Variants in SEMA4B observed in about 807,000 individuals in gnomAD.
The protein encoded by SEMA4B is semaphorin 4B.
In SEMA4B, 55 loss-of-function variants were observed where a neutral mutation model predicts 88.1. The ratio of observed to expected loss-of-function variants is 0.62; its 90% CI spans 0.50 to 0.78. The LOEUF (loss-of-function observed/expected upper bound fraction) is 0.78, where lower values mean the gene tolerates loss of function less well. Among genes scored for constraint, SEMA4B ranks in the 30% least tolerant of loss-of-function variants. The pLI is 0.00. For missense variants in SEMA4B, 1,062 were observed against 1,111.9 expected (o/e 0.96, Z 0.64); for synonymous variants, 525 against 473.6 (o/e 1.11, Z -1.41).
At chr15:90,222,251 TTTC>T (rs145835899) in intron 7 of SEMA4B, among the ~76,000 whole-genome samples, 43,013 of 132,574 alleles carry the variant, frequency 0.32, 6,771 homozygotes, top group African/African-American at 0.45. Context: ...TTTTTTTTCT[TTTC>T]TTTTTTTTTT....
At position 90,216,426 on chromosome 15, in the gene SEMA4B, TAA is replaced by T. The variant is rs367847794; in HGVS notation, c.158-1010_158-1009del. 3.3e-4 allele frequency among the ~76,000 whole-genome samples: 50 copies of T among 152,336 alleles called. No individual in the cohort carries two copies. In the East Asian group the frequency reaches 8.1e-3, roughly 25 times the overall value. ...TCCTTTATTGGTTACCTTTGCAATA[TAA>T]AACAGTACACTTGACCTGTATTTAT... On this transcript the variant is annotated intron_variant, in intron 1 of 13. Transcript: ENST00000411539.
At chr15:90,217,674 C>A (rs1961601545) in intron 2 of SEMA4B, 72 bp downstream of exon 2, 1 of 1,603,952 alleles carries the variant, frequency 6.2e-7, no homozygotes, top group East Asian at 2.2e-5. Context: ...GGAAGCTTGA[C>A]CTTCTGGGTC....
Position 90,228,835 on chromosome 15 carries a change from A to T in SEMA4B, c.*192A>T. 1 of 734,914 alleles carries T rather than the reference A, an allele frequency of 1.4e-6. No homozygotes were observed. The highest frequency in any genetic ancestry group is 2.2e-6 in the Non-Finnish European group (1 of 461,582). The allele number at this position is 734,914 out of a possible 1,614,324, so 45.5% of individuals were successfully genotyped here. On this transcript the variant is annotated 3_prime_UTR_variant, in exon 14 of 14. Transcript: ENST00000411539. Reference sequence around the variant, plus strand: ...GCTCCTACCACCCAGACACCCAAACAGCCGTGGCCCCAGAGGTCCTGGCCA... The same window carrying T: ...GCTCCTACCACCCAGACACCCAAACTGCCGTGGCCCCAGAGGTCCTGGCCA...
Position 90,227,580 on chromosome 15 carries a change from G to A in SEMA4B, c.1712G>A (p.Gly571Glu), listed in dbSNP as rs756998006. 29 of 1,613,892 alleles carry A rather than the reference G, an allele frequency of 1.8e-5. No homozygotes were observed. Among genetic ancestry groups the A allele is most frequent in the Non-Finnish European group, 2.3e-5 (27 of 1,179,900 alleles). The change falls in exon 13 of 14, where the codon GGA (glycine) becomes GAA (glutamate). Residue 571 changes from glycine to glutamate, a missense_variant. Transcript: ENST00000411539. ...ATRPWIQDIEGASAKDLCSAS... is the reference protein window; with the variant it reads ...ATRPWIQDIEEASAKDLCSAS... ...AGGCCGTGGATCCAGGACATCGAGGGAGCCAGCGCCAAGGACCTTTGCAGC... is the reference window on the plus strand; with the variant it reads ...AGGCCGTGGATCCAGGACATCGAGGAAGCCAGCGCCAAGGACCTTTGCAGC...
intron 4 of SEMA4B, 119 bp from the exon 5 acceptor site, chr15:90,220,863 G>A (rs1158399369): frequency 2.9e-6 from 2 of 681,764 alleles, no homozygotes; most frequent in South Asian, 1.7e-5. Flanking sequence ...GACCCCTTCT[G>A]TCCCACACAC....
chr15:90,223,433 G>A, intron 7 of SEMA4B, 126 bp from the exon 8 acceptor site: 1 of 771,154 alleles, frequency 1.3e-6, no homozygotes, highest in Non-Finnish European at 2.0e-6. Flanking sequence ...ATGGAACTTG[G>A]TCCTGGCCTT....
intron 1 of SEMA4B, among the ~76,000 whole-genome samples, chr15:90,210,632 GAA>G (rs1567051355): frequency 6.6e-6 from 1 of 152,236 alleles, no homozygotes; most frequent in Non-Finnish European, 1.5e-5. Context: ...AAAGGGCTGA[GAA>G]AGTGCTCACA....
Position 90,212,627 on chromosome 15 carries a change from G to C in SEMA4B, c.158-4812G>C, listed in dbSNP as rs1275503327. Among the ~76,000 whole-genome samples, 1 of 144,890 alleles carries C rather than the reference G, an allele frequency of 6.9e-6. No individual in the cohort carries two copies. Among genetic ancestry groups the C allele is most frequent in the South Asian group, 2.2e-4 (1 of 4,446 alleles). Reference sequence around the variant, plus strand: ...GGAGTGAGTGCGCAAGCGTGGACAAGCCCTGCGGTACCGTGTACACACACA... The same window carrying C: ...GGAGTGAGTGCGCAAGCGTGGACAACCCCTGCGGTACCGTGTACACACACA... On this transcript the variant is annotated intron_variant, in intron 1 of 13. Coordinates refer to ENST00000411539, the MANE Select transcript of SEMA4B (RefSeq NM_198925.4). The surrounding 1 kb of genome is among the most constrained non-coding windows in gnomAD (Gnocchi z 4.0).
rs1960712500 is a variant in SEMA4B, at chr15:90,201,391, G to T, written c.-188G>T. On this transcript the variant is annotated 5_prime_UTR_variant, in exon 1 of 14. Coordinates refer to ENST00000411539, the MANE Select transcript of SEMA4B (RefSeq NM_198925.4). Reference sequence around the variant, plus strand: ...GGCCGGCGCCGGCGGGAGGACTGCGGTGCCCCGCGGAGGGGCTGAGTTTGC... The same window carrying T: ...GGCCGGCGCCGGCGGGAGGACTGCGTTGCCCCGCGGAGGGGCTGAGTTTGC... 5 of 1,274,346 alleles carry T rather than the reference G, an allele frequency of 3.9e-6. No homozygotes were observed. Among genetic ancestry groups the T allele is most frequent in the Non-Finnish European group, 4.9e-6 (5 of 1,011,866 alleles). 78.9% of individuals were successfully genotyped at this position (1,274,346 alleles called of 1,614,324 possible).
intron 12 of SEMA4B, among the ~76,000 whole-genome samples, chr15:90,226,078 G>T (rs1033494353): frequency 1.3e-5 from 2 of 152,204 alleles, no homozygotes; most frequent in Non-Finnish European, 2.9e-5. Context: ...GAAAAGCCTT[G>T]CAGGAAAATG....
rs376141469 is a variant in SEMA4B at position 90,225,311 on chromosome 15, G to C, written c.1435G>C (p.Val479Leu). 1 of 1,559,082 alleles carries C rather than the reference G, an allele frequency of 6.4e-7. No homozygotes were observed. The highest frequency in any genetic ancestry group is 8.7e-7 in the Non-Finnish European group (1 of 1,152,100). ...GDGRLHKAVS[V>L]GPRVHIIEEL... ...CGGCCGGCTCCACAAGGCAGTGAGC[G>C]TGGGCCCCCGGGTGCACATCATTGA... is the stretch of plus-strand genomic sequence containing the variant. The change falls in exon 11 of 14, where the codon GTG (valine) becomes CTG (leucine). Residue 479 changes from valine (V) to leucine (L), a missense_variant. Val to Leu is a conservative substitution (Grantham distance 32). Transcript: ENST00000411539.
intron 1 of SEMA4B, among the ~76,000 whole-genome samples, chr15:90,189,984 G>A (rs1341610103): frequency 6.6e-6 from 1 of 152,226 alleles, no homozygotes; most frequent in Admixed American, 6.5e-5. Context: ...GAAACCAAAA[G>A]ATGAGACGGC....
Position 90,223,991 on chromosome 15 carries a change from G to C in SEMA4B, c.1194+3G>C, listed in dbSNP as rs374132528. ...TGCCCACACCCCGGCCTGGAGCGGT[G>C]GGTACTGGCTCCCTGCACCCAGAAG... On this transcript the variant is annotated splice_donor_region_variant and intron_variant, in intron 9 of 13. Coordinates refer to ENST00000411539, the MANE Select transcript of SEMA4B (RefSeq NM_198925.4). The C allele has an allele frequency of 7.4e-6, 12 of 1,611,626 alleles. No homozygotes were observed. The highest frequency in any genetic ancestry group is 9.3e-6 in the Non-Finnish European group (11 of 1,179,252).
chr15:90,225,443 C>T (rs754164104), intron 11 of SEMA4B, 46 bp downstream of exon 11: 8 of 1,506,388 alleles, frequency 5.3e-6, no homozygotes, highest in Non-Finnish European at 7.2e-6. Flanking sequence ...TGGGGGGTGC[C>T]CTCCATTAGC....
chr15:90,221,833 C>G, intron 7 of SEMA4B, 68 bp downstream of exon 7: 2 of 1,504,034 alleles, frequency 1.3e-6, no homozygotes. Context: ...GCAAGATCAC[C>G]CACATCCATG....
At chr15:90,210,644 A>C (rs572611022) in intron 1 of SEMA4B, among the ~76,000 whole-genome samples, 1 of 152,350 alleles carries the variant, frequency 6.6e-6, no homozygotes, top group South Asian at 2.1e-4. Flanking sequence ...AAGTGCTCAC[A>C]TACTTTAGCT....
intron 1 of SEMA4B, among the ~76,000 whole-genome samples, chr15:90,186,777 C>T (rs1275598020): frequency 6.6e-6 from 1 of 151,924 alleles, no homozygotes; most frequent in Admixed American, 6.6e-5. Context: ...ACTAAAAATA[C>T]AAAAAATTAG....
intron 1 of SEMA4B, among the ~76,000 whole-genome samples, chr15:90,188,834 AT>A (rs1567040864): frequency 2.0e-5 from 3 of 151,118 alleles, no homozygotes; most frequent in African/African-American, 2.4e-5. Context: ...CGCCCGGCTA[AT>A]TTTTTTGTAT....
At chr15:90,197,083 G>T (rs1960532912), upstream of SEMA4B, among the ~76,000 whole-genome samples, 1 of 152,036 alleles carries the variant, frequency 6.6e-6, no homozygotes, top group Non-Finnish European at 1.5e-5. Flanking sequence ...TTATTAGAGA[G>T]TAGGATTAGG....
Sources: gnomAD v4.1 joint callset for allele counts (sites outside exome capture counted in the v4.1 genomes callset) on GRCh38, gnomAD v4.1.1 for gene constraint, Gnocchi (gnomAD v3.1) non-coding constraint, MANE v1.5 for transcripts, NCBI Gene and HGNC (gene_info 2026-07-23, HGNC 2026-07-21) for gene names.